The following PRKDC variants were observed in gnomAD, a reference collection of about 807,000 sequenced individuals.
The protein encoded by PRKDC is protein kinase, DNA-activated, catalytic subunit.
A neutral mutation model predicts 486.9 loss-of-function variants in PRKDC; 82 were observed. The ratio of observed to expected loss-of-function variants is 0.17; its 90% confidence interval spans 0.14 to 0.20. The LOEUF (loss-of-function observed/expected upper bound fraction) is 0.20, where lower values mean the gene tolerates loss of function less well. PRKDC is among the 10% of genes least tolerant of loss of function. The pLI is 1.00. For synonymous variants in PRKDC, 1,895 were observed against 1,837.0 expected (o/e 1.03, Z -0.81); for missense variants, 4,504 against 5,038.2 (o/e 0.89, Z 3.21).
At chr8:47,958,379 T>A (rs1344511956) in intron 1 of PRKDC, among the ~76,000 whole-genome samples, 6 of 152,218 alleles carry the variant, frequency 3.9e-5, no homozygotes, top group African/African-American at 1.2e-4. Flanking sequence ...TGGTTCTAGC[T>A]TGGTGAGACC....
chr8:47,881,548 A>T, intron 37 of PRKDC, 28 bp from the exon 38 acceptor site: 2 of 1,142,620 alleles, frequency 1.8e-6, no homozygotes, highest in East Asian at 2.5e-5. Context: ...AAAACAGGAC[A>T]CATTTGTATA....
chr8:47,834,092 G>T, intron 59 of PRKDC, 104 bp downstream of exon 59: 6 of 1,411,238 alleles, frequency 4.3e-6, no homozygotes, highest in African/African-American at 1.4e-5. Flanking sequence ...GCTTGATTAC[G>T]AATGAGAAGG....
At chr8:47,886,185 C>A in intron 35 of PRKDC, 38 bp from the exon 36 acceptor site, 2 of 1,496,164 alleles carry the variant, frequency 1.3e-6, no homozygotes, top group Non-Finnish European at 1.8e-6. Flanking sequence ...AACTGGGGCA[C>A]ATCTTTGCAT....
At chr8:47,803,582 T>C (rs2087154717) in intron 69 of PRKDC, 102 bp from the exon 70 acceptor site, 5 of 994,776 alleles carry the variant, frequency 5.0e-6, no homozygotes, top group Middle Eastern at 3.0e-4. Flanking sequence ...CAATCCACCT[T>C]AGAGTAGCGA....
intron 68 of PRKDC, 104 bp from the exon 69 acceptor site, chr8:47,807,430 T>C (rs1323998915): frequency 9.4e-7 from 1 of 1,060,438 alleles, no homozygotes; most frequent in Non-Finnish European, 1.3e-6. Context: ...TTTGTTCTTT[T>C]TTTTTTGAGA....
At chr8:47,801,885 A>G in intron 70 of PRKDC, among the ~76,000 whole-genome samples, 1 of 152,214 alleles carries the variant, frequency 6.6e-6, no homozygotes, top group Non-Finnish European at 1.5e-5. Flanking sequence ...GTTATCTCAC[A>G]TACAGGATCA....
intron 52 of PRKDC, among the ~76,000 whole-genome samples, chr8:47,852,022 G>A (rs2088418267): frequency 6.6e-6 from 1 of 152,170 alleles, no homozygotes; most frequent in Admixed American, 6.5e-5. Flanking sequence ...AGGCTAAGGT[G>A]GGAGGATGGC....
chr8:47,814,180 A>G (rs1219377929), intron 68 of PRKDC, among the ~76,000 whole-genome samples: 1 of 152,276 alleles, frequency 6.6e-6, no homozygotes, highest in African/African-American at 2.4e-5. Context: ...ACATTCATTC[A>G]TGATAAAACA....
Position 47,830,702 on chromosome 8 carries a change from G to A in PRKDC, c.8300C>T (p.Ala2767Val). Residue 2767 changes from alanine to valine, a missense_variant, in exon 61 of 86, where the codon GCC (alanine) becomes GTC (valine). Around this residue, in one of 6 missense-constraint regions of PRKDC, gnomAD observed 1,592 missense variants for 1,724.6 expected, o/e 0.92. Coordinates refer to ENST00000314191, the MANE Select transcript of PRKDC (RefSeq NM_006904.7). ...GTAGCTTCTGTACAGAACGACCTGG[G>A]CATCCTGCTTCATTTTTAACTCACT... ...IKSELKMKQDAQVVLYRSYRH... is the reference protein window; with the variant it reads ...IKSELKMKQDVQVVLYRSYRH... 1 of 1,613,902 alleles carries A rather than the reference G, an allele frequency of 6.2e-7. No individual in the cohort carries two copies. Among genetic ancestry groups the A allele is most frequent in the South Asian group, 1.1e-5 (1 of 91,084 alleles).
intron 3 of PRKDC, among the ~76,000 whole-genome samples, chr8:47,956,248 GCTA>G (rs1175320186): frequency 6.6e-6 from 1 of 152,070 alleles, no homozygotes; most frequent in Non-Finnish European, 1.5e-5. Context: ...TGTAATCCCA[GCTA>G]CTCAGGAGGC....
At chr8:47,954,043 A>T in intron 5 of PRKDC, 124 bp from the exon 6 acceptor site, 1 of 585,802 alleles carries the variant, frequency 1.7e-6, no homozygotes, top group South Asian at 2.9e-5. Flanking sequence ...TAAGAGATAT[A>T]AAATATAAAG....
intron 16 of PRKDC, among the ~76,000 whole-genome samples, chr8:47,931,991 C>G (rs1280062784): frequency 6.6e-6 from 1 of 151,282 alleles, no homozygotes; most frequent in Non-Finnish European, 1.5e-5. Context: ...CCCGGGTTCA[C>G]GCCATTCTCC....
At chr8:47,918,245 G>A (rs2090018868) in intron 22 of PRKDC, 32 bp downstream of exon 22, 2 of 1,400,328 alleles carry the variant, frequency 1.4e-6, no homozygotes, top group East Asian at 2.4e-5. Context: ...TCTGCATTAT[G>A]TAAGGTACAG....
intron 78 of PRKDC, chr8:47,783,067 C>T (rs887802045): frequency 3.5e-5 from 6 of 169,480 alleles, no homozygotes; most frequent in Non-Finnish European, 7.7e-5. Context: ...CACTTGAGCT[C>T]AGGAGTTCGA....
intron 73 of PRKDC, among the ~76,000 whole-genome samples, chr8:47,797,737 C>G (rs1563739530): frequency 6.6e-6 from 1 of 152,216 alleles, no homozygotes; most frequent in Non-Finnish European, 1.5e-5. Flanking sequence ...AGGGGCAGGT[C>G]ACATGGAAGG....
intron 49 of PRKDC, 123 bp from the exon 50 acceptor site, chr8:47,855,496 C>T (rs1415613853): frequency 1.9e-6 from 2 of 1,053,822 alleles, no homozygotes; most frequent in Non-Finnish European, 2.6e-6. Flanking sequence ...TGTTGAAAGC[C>T]CTGTGATTTT....
intron 70 of PRKDC, among the ~76,000 whole-genome samples, chr8:47,802,543 C>T (rs951826936): frequency 6.2e-5 from 9 of 144,910 alleles, no homozygotes; most frequent in Admixed American, 1.4e-4. Context: ...AGTGCAGTGG[C>T]GCGATTTTGG....
At chr8:47,801,190 A>T (rs899067478) in intron 70 of PRKDC, among the ~76,000 whole-genome samples, 8 of 151,748 alleles carry the variant, frequency 5.3e-5, no homozygotes, top group Non-Finnish European at 7.4e-5. Flanking sequence ...TCCCACCTCA[A>T]CCTCCCAATT....
chr8:47,847,994 T>C (rs2088311277), intron 54 of PRKDC, among the ~76,000 whole-genome samples: 1 of 152,034 alleles, frequency 6.6e-6, no homozygotes, highest in Non-Finnish European at 1.5e-5. Context: ...CTGGCAGATA[T>C]TGGCAAGGCT....
Sources: allele counts gnomAD v4.1 joint callset (sites outside exome capture counted in the v4.1 genomes callset), GRCh38; gene constraint gnomAD v4.1.1; regional missense constraint gnomAD v4.1.1; transcripts MANE v1.5; gene names NCBI Gene and HGNC (gene_info 2026-07-23, HGNC 2026-07-21).